The following TRHDE variants were observed in gnomAD, a reference collection of about 807,000 sequenced individuals.
TRHDE encodes the protein thyrotropin-releasing hormone-degrading ectoenzyme.
TRHDE carries 72 observed loss-of-function variants against 125.7 expected under a neutral mutation model. That is an observed-to-expected ratio of 0.57 (90% confidence interval 0.47 to 0.70). The LOEUF (loss-of-function observed/expected upper bound fraction) is 0.70, where lower values mean the gene tolerates loss of function less well. TRHDE is among the 30% of genes least tolerant of loss of function. The pLI, the probability that TRHDE is intolerant of heterozygous loss-of-function variation, is 0.00. For missense variants in TRHDE, 1,110 were observed against 1,327.1 expected (o/e 0.84, Z 2.54); for synonymous variants, 509 against 509.1 (o/e 1.00, Z 0.00).
chr12:72,138,336 T>G (rs148796813), intron 2 of TRHDE, among the ~76,000 whole-genome samples: 1 of 151,892 alleles, frequency 6.6e-6, no homozygotes, highest in East Asian at 1.9e-4. Context: ...GATCACACCA[T>G]TGCACTCTAG....
chr12:72,193,461 T>C (rs1877378528), intron 2 of TRHDE, among the ~76,000 whole-genome samples: 1 of 152,132 alleles, frequency 6.6e-6, no homozygotes, highest in South Asian at 2.1e-4. Flanking sequence ...AAAGAGGCTT[T>C]TTAAATGTTA....
chr12:72,304,724 A>C (rs1354137176), intron 2 of TRHDE, among the ~76,000 whole-genome samples: 1 of 152,144 alleles, frequency 6.6e-6, no homozygotes, highest in Non-Finnish European at 1.5e-5. Context: ...TCTCATCTGA[A>C]ATTTTTTCTA....
intron 2 of TRHDE, among the ~76,000 whole-genome samples, chr12:72,185,539 C>T (rs1368028178): frequency 6.6e-6 from 1 of 152,222 alleles, no homozygotes; most frequent in East Asian, 1.9e-4. Flanking sequence ...AGAGTCTTTA[C>T]GTCTAGCTCA....
At chr12:72,618,788 T>C in intron 12 of TRHDE, 103 bp from the exon 13 acceptor site, 1 of 942,362 alleles carries the variant, frequency 1.1e-6, no homozygotes. Flanking sequence ...CTGAATATGC[T>C]TTCTTTATAC....
intron 6 of TRHDE, among the ~76,000 whole-genome samples, chr12:72,532,546 ATTG>A (rs1868610268): frequency 1.3e-5 from 2 of 151,068 alleles, no homozygotes; most frequent in South Asian, 4.2e-4. Flanking sequence ...GATTGCCTTT[ATTG>A]TTAATGGTCC....
chr12:72,422,968 A>G (rs1173357856), intron 3 of TRHDE, among the ~76,000 whole-genome samples: 1 of 152,154 alleles, frequency 6.6e-6, no homozygotes, highest in Admixed American at 6.6e-5. Context: ...ATTTATATTC[A>G]TTATAAGTTA....
At position 72,520,422 on chromosome 12, in the gene TRHDE, G is replaced by T. The variant is rs1049339611; in HGVS notation, c.1722+20787G>T. Among the ~76,000 whole-genome samples the T allele has an allele frequency of 2.0e-5, 3 of 152,268 alleles. No individual in the cohort carries two copies. In the South Asian group the frequency reaches 6.2e-4, roughly 32 times the overall value. On this transcript the variant is annotated intron_variant, in intron 6 of 18. Coordinates refer to ENST00000261180, the MANE Select transcript of TRHDE (RefSeq NM_013381.3). ...TGATTTTCCAGGTGCCGACCGTCACGCCTTTCTTTGACTAGGAAAGGGAAC... is the reference window on the plus strand; with the variant it reads ...TGATTTTCCAGGTGCCGACCGTCACTCCTTTCTTTGACTAGGAAAGGGAAC...
intron 6 of TRHDE, among the ~76,000 whole-genome samples, chr12:72,535,378 C>A (rs1868801972): frequency 6.6e-6 from 1 of 151,936 alleles, no homozygotes; most frequent in Non-Finnish European, 1.5e-5. Flanking sequence ...GGGTGAGAAC[C>A]CATCTGGGGT....
intron 2 of TRHDE, among the ~76,000 whole-genome samples, chr12:72,205,998 A>G (rs922387926): frequency 6.6e-6 from 1 of 151,984 alleles, no homozygotes; most frequent in South Asian, 2.1e-4. Context: ...ATTTTTCCAC[A>G]TCCTCACCAG....
At chr12:72,253,393 G>T (rs941162963) in intron 2 of TRHDE, 2 of 152,530 alleles carry the variant, frequency 1.3e-5, no homozygotes, top group African/African-American at 4.8e-5. Context: ...CCATTTCAGT[G>T]GCTAGAACTT....
intron 3 of TRHDE, among the ~76,000 whole-genome samples, chr12:72,420,829 A>G (rs1873921848): frequency 6.6e-6 from 1 of 152,154 alleles, no homozygotes; most frequent in African/African-American, 2.4e-5. Flanking sequence ...CTCAAACAAA[A>G]TTCTCAAACT....
chr12:72,172,446 C>T (rs971512719), intron 2 of TRHDE, among the ~76,000 whole-genome samples: 13 of 152,162 alleles, frequency 8.5e-5, no homozygotes, highest in African/African-American at 2.7e-4. Flanking sequence ...CTCAGGTCTG[C>T]GTGTATAGTG....
intron 3 of TRHDE, among the ~76,000 whole-genome samples, chr12:72,411,149 GC>G (rs1383435235): frequency 1.3e-5 from 2 of 149,518 alleles, no homozygotes; most frequent in Non-Finnish European, 2.9e-5. Context: ...CTTGCAGTGA[GC>G]CGAGATTGCG....
chr12:72,423,889 C>T (rs1874072956), intron 3 of TRHDE, among the ~76,000 whole-genome samples: 1 of 152,006 alleles, frequency 6.6e-6, no homozygotes, highest in African/African-American at 2.4e-5. Context: ...TAGACCTGTC[C>T]TTGCTGACTT....
At chr12:72,602,474 TG>T (rs1232412049) in intron 12 of TRHDE, among the ~76,000 whole-genome samples, 1 of 152,090 alleles carries the variant, frequency 6.6e-6, no homozygotes, top group Non-Finnish European at 1.5e-5. Context: ...GGAGGTATGG[TG>T]GGTTACACTG....
At chr12:72,312,884 A>G (rs968109713) in intron 2 of TRHDE, among the ~76,000 whole-genome samples, 26 of 152,138 alleles carry the variant, frequency 1.7e-4, no homozygotes, top group Non-Finnish European at 4.4e-5. Flanking sequence ...CTCTGCCAAT[A>G]TACATCAACA....
rs895939081 is a variant in TRHDE at position 72,107,055 on chromosome 12, T to C, written n.279+1303T>C. On this transcript the variant is annotated intron_variant and non_coding_transcript_variant, in intron 2 of 4. Transcript: ENST00000548156. ...CAAGTGCTGGAATTGGTCTTCTATT[T>C]GCATATTCCCTACTCATATTCTAAG... Among the ~76,000 whole-genome samples the C allele has an allele frequency of 2.0e-5, 3 of 152,126 alleles. No homozygotes were observed. In the South Asian group the frequency reaches 6.2e-4, roughly 31 times the overall value.
intron 1 of TRHDE, among the ~76,000 whole-genome samples, chr12:72,088,047 G>C (rs926945793): frequency 2.0e-5 from 3 of 152,098 alleles, no homozygotes; most frequent in South Asian, 2.1e-4. Flanking sequence ...ACTAAATTTG[G>C]TGGAAATGAT....
At chr12:72,132,558 C>A (rs1459662907) in intron 2 of TRHDE, among the ~76,000 whole-genome samples, 1 of 152,288 alleles carries the variant, frequency 6.6e-6, no homozygotes, top group South Asian at 2.1e-4. Flanking sequence ...GACCTCCTTA[C>A]AATACTCTTG....
Sources: allele counts gnomAD v4.1 joint callset (sites outside exome capture counted in the v4.1 genomes callset), GRCh38; gene constraint gnomAD v4.1.1; transcripts MANE v1.5; gene names NCBI Gene and HGNC (gene_info 2026-07-23, HGNC 2026-07-21).